Variants in MOCOS observed in about 807,000 individuals in gnomAD.
The protein encoded by MOCOS is molybdenum cofactor sulfurase.
MOCOS carries 86 observed loss-of-function variants against 83.6 expected under a neutral mutation model. The observed-to-expected ratio is 1.03, with a 90% CI of 0.86 to 1.23. The LOEUF (loss-of-function observed/expected upper bound fraction) is 1.23. Among genes scored for constraint, MOCOS ranks in the 50% most tolerant of loss-of-function variants. MOCOS has a pLI of 0.00. For missense variants in MOCOS, 1,120 were observed against 1,126.9 expected, an observed-to-expected ratio of 0.99 and a Z score of 0.09; for synonymous variants, 445 against 434.7, an observed-to-expected ratio of 1.02 and a Z score of -0.29.
Position 36,215,668 on chromosome 18 carries a change from G to A in MOCOS, c.1488G>A (p.Trp496Ter), listed in dbSNP as rs780175694. 2 of 1,614,058 alleles carry A rather than the reference G, an allele frequency of 1.2e-6. No homozygotes were observed. The highest frequency in any genetic ancestry group is 1.7e-6 in the Non-Finnish European group (2 of 1,180,038). The change falls in exon 8 of 15, where the codon TGG becomes TGA. Residue 496 changes from tryptophan to a stop codon, truncating the protein, a stop_gained. Transcript: ENST00000261326. LOFTEE classifies it high-confidence loss of function. The part of the protein sequence containing the change: ...IDTRLHSSGD[W>*]PVPQAHADTG... Reference sequence around the variant, plus strand: ...CTCGCCTGCACTCATCAGGGGACTGGCCTGTCCCTCAGGCCCATGCTGACA... The same window carrying A: ...CTCGCCTGCACTCATCAGGGGACTGACCTGTCCCTCAGGCCCATGCTGACA...
chr18:36,199,795 C>G lies in MOCOS; in HGVS notation c.412C>G (p.Pro138Ala). 6.2e-7 allele frequency: 1 copy of G among 1,614,118 alleles called. No homozygotes were observed. The highest frequency in any genetic ancestry group is 8.5e-7 in the Non-Finnish European group (1 of 1,180,020). ...AEAFPWVSQG[P>A]ESSGSRFCYL... is the part of the protein sequence containing the mutation. The stretch of plus-strand genomic sequence containing the variant: ...GGCCTTTCCATGGGTGTCCCAGGGC[C>G]CAGAGAGCAGTGGGAGTCGCTTCTG... Residue 138 changes from proline (P) to alanine (A), a missense_variant, in exon 4 of 15, where the codon CCA (proline) becomes GCA (alanine). Coordinates refer to ENST00000261326, the MANE Select transcript of MOCOS (RefSeq NM_017947.4).
In MOCOS at chr18:36,195,356, A is replaced by C. The variant is rs756657057; in HGVS notation, c.232+10A>C. The C allele has an allele frequency of 6.2e-7, 1 of 1,608,032 alleles. No homozygotes were observed. Among genetic ancestry groups the C allele is most frequent in the Non-Finnish European group, 8.5e-7 (1 of 1,174,426 alleles). On this transcript the variant is annotated intron_variant, in intron 2 of 14. Coordinates refer to ENST00000261326, the MANE Select transcript of MOCOS (RefSeq NM_017947.4). Reference sequence around the variant, plus strand: ...ATGGAAAACACTTATGGTAAAGAAAAACACCTGAAACAGGTTTTAGTCAAC... The same window carrying C: ...ATGGAAAACACTTATGGTAAAGAAACACACCTGAAACAGGTTTTAGTCAAC...
chr18:36,208,257 A>G (rs1189450752), intron 6 of MOCOS, among the ~76,000 whole-genome samples: 2 of 152,124 alleles, frequency 1.3e-5, no homozygotes, highest in East Asian at 3.9e-4. Flanking sequence ...CTTTTTGCTT[A>G]GGATTGCTTT....
chr18:36,239,288 A>G (rs898737906), intron 9 of MOCOS, among the ~76,000 whole-genome samples: 4 of 150,766 alleles, frequency 2.7e-5, no homozygotes, highest in African/African-American at 9.8e-5. Flanking sequence ...TTTCCTTTCC[A>G]TGTTTAGCGC....
chr18:36,213,995 A>C (rs1181645896), intron 7 of MOCOS, among the ~76,000 whole-genome samples: 1 of 151,366 alleles, frequency 6.6e-6, no homozygotes, highest in South Asian at 2.1e-4. Context: ...TAATCACAGC[A>C]CTTTGGGAGG....
intron 9 of MOCOS, among the ~76,000 whole-genome samples, chr18:36,240,020 CT>C (rs1414342379): frequency 7.8e-6 from 1 of 128,968 alleles, no homozygotes; most frequent in Non-Finnish European, 1.6e-5. Context: ...ATTGGTTATT[CT>C]AGTTATACAT....
intron 9 of MOCOS, among the ~76,000 whole-genome samples, chr18:36,233,107 T>C (rs1473715199): frequency 3.3e-5 from 5 of 152,128 alleles, no homozygotes; most frequent in Non-Finnish European, 4.4e-5. Context: ...ATTTCTGAGA[T>C]TTTGGTGTAC....
intron 9 of MOCOS, among the ~76,000 whole-genome samples, chr18:36,228,900 C>T (rs553001907): frequency 2.0e-5 from 3 of 151,526 alleles, no homozygotes; most frequent in South Asian, 4.2e-4. Context: ...AACTCCTGGC[C>T]TCAAGAAATC....
At chr18:36,214,360 G>A (rs1328721863) in intron 7 of MOCOS, among the ~76,000 whole-genome samples, 1 of 152,106 alleles carries the variant, frequency 6.6e-6, no homozygotes, top group Non-Finnish European at 1.5e-5. Flanking sequence ...GGCAAGGGAG[G>A]GGTGTTAACA....
At chr18:36,207,421 T>A (rs578247529) in intron 6 of MOCOS, among the ~76,000 whole-genome samples, 1 of 152,288 alleles carries the variant, frequency 6.6e-6, no homozygotes, top group Non-Finnish European at 1.5e-5. Context: ...CCACTAGCAG[T>A]GTATAAGTGT....
At position 36,200,050 on chromosome 18, in the gene MOCOS, C is replaced by A. The variant is rs77632154; in HGVS notation, c.667C>A (p.Arg223=). The A allele has an allele frequency of 1.4e-5, 23 of 1,614,180 alleles. No individual in the cohort carries two copies. In the South Asian group the frequency reaches 2.3e-4, roughly 16 times the overall value. The change falls in exon 4 of 15, where the codon CGG becomes AGG. Residue 223 remains arginine (R), a synonymous_variant. Transcript: ENST00000261326. ...LSWIEEVKSG[R]LHPVSTPGKW... ...CTGGATAGAAGAGGTCAAGTCTGGG[C>A]GGTTGCACCCTGTGAGCACGCCTGG...
At chr18:36,211,724 G>A (rs566484201) in intron 6 of MOCOS, among the ~76,000 whole-genome samples, 4 of 152,100 alleles carry the variant, frequency 2.6e-5, no homozygotes, top group Non-Finnish European at 5.9e-5. Flanking sequence ...AAGGGTAAGT[G>A]TGGCTGCAAC....
chr18:36,202,739 T>G (rs892651857), intron 4 of MOCOS, among the ~76,000 whole-genome samples: 2 of 152,216 alleles, frequency 1.3e-5, no homozygotes, highest in Admixed American at 1.3e-4. Context: ...AGTTCTGCAT[T>G]GCTGGAGAGG....
intron 9 of MOCOS, among the ~76,000 whole-genome samples, chr18:36,233,076 T>C (rs1381743772): frequency 6.6e-6 from 1 of 152,166 alleles, no homozygotes; most frequent in Non-Finnish European, 1.5e-5. Context: ...TTTAGGTACA[T>C]GGGTAAGTTC....
At chr18:36,207,444 A>G (rs2091438932) in intron 6 of MOCOS, among the ~76,000 whole-genome samples, 1 of 152,112 alleles carries the variant, frequency 6.6e-6, no homozygotes, top group Non-Finnish European at 1.5e-5. Context: ...TTTTTTATCC[A>G]CAACCTCAGC....
intron 9 of MOCOS, 48 bp downstream of exon 9, chr18:36,220,265 T>C: frequency 6.2e-7 from 1 of 1,607,356 alleles, no homozygotes; most frequent in South Asian, 1.1e-5. Context: ...ACAGCAGCTT[T>C]TATATTCATA....
chr18:36,221,654 C>A (rs745752343), intron 9 of MOCOS, among the ~76,000 whole-genome samples: 1 of 148,704 alleles, frequency 6.7e-6, no homozygotes. Context: ...GTTCTGTTCC[C>A]GTGGTTTATT....
chr18:36,249,065 G>T (rs988735688), intron 10 of MOCOS, 65 bp downstream of exon 10: 4 of 1,364,430 alleles, frequency 2.9e-6, no homozygotes, highest in Non-Finnish European at 3.1e-6. Context: ...GGGGAAGAGG[G>T]TAATGCCCTA....
intron 2 of MOCOS, among the ~76,000 whole-genome samples, chr18:36,197,294 T>G (rs997836371): frequency 1.3e-5 from 2 of 152,084 alleles, no homozygotes; most frequent in Non-Finnish European, 2.9e-5. Context: ...AAGGGCATCC[T>G]CCTGAGGCTG....
Sources: gnomAD v4.1 joint callset for allele counts (sites outside exome capture counted in the v4.1 genomes callset) on GRCh38, gnomAD v4.1.1 for gene constraint, MANE v1.5 for transcripts, NCBI Gene and HGNC (gene_info 2026-07-23, HGNC 2026-07-21) for gene names.